Variants in CPQ observed in about 807,000 individuals in gnomAD.
CPQ encodes the protein carboxypeptidase Q, also known as Ser-Met dipeptidase.
CPQ carries 37 observed loss-of-function variants against 45.7 expected under a neutral mutation model. The observed-to-expected ratio is 0.81, with a 90% CI of 0.62 to 1.07. CPQ has a LOEUF of 1.07. CPQ is among the 50% of genes least tolerant of loss of function. The pLI, the probability that CPQ is intolerant of heterozygous loss-of-function variation, is 0.00. For synonymous variants in CPQ, 186 were observed against 205.8 expected (o/e 0.90, Z 0.82); for missense variants, 537 against 572.9 (o/e 0.94, Z 0.64).
At chr8:96,953,518 C>T (rs1813303303) in intron 4 of CPQ, among the ~76,000 whole-genome samples, 1 of 152,116 alleles carries the variant, frequency 6.6e-6, no homozygotes, top group Admixed American at 6.6e-5. Flanking sequence ...ATATATTCTG[C>T]TGCTCTTCAA....
chr8:96,717,810 T>C (rs75446169), intron 1 of CPQ, among the ~76,000 whole-genome samples: 2,049 of 152,154 alleles, frequency 0.013, 22 homozygotes, highest in Non-Finnish European at 0.018. Flanking sequence ...CCAGAGGGGA[T>C]TGTAGGGCAG....
chr8:97,029,236 G>A (rs577276999), intron 5 of CPQ, among the ~76,000 whole-genome samples, 167 bp from the exon 6 acceptor site: 4 of 152,246 alleles, frequency 2.6e-5, no homozygotes, highest in African/African-American at 7.2e-5. Flanking sequence ...CCCTGAAGTT[G>A]CTCCTTTGCT....
intron 6 of CPQ, among the ~76,000 whole-genome samples, chr8:97,049,941 T>C (rs1417871514): frequency 2.6e-5 from 4 of 152,190 alleles, no homozygotes; most frequent in East Asian, 1.9e-4. Context: ...CAAGGCATAT[T>C]GAACACGTTT....
At chr8:97,134,816 C>A (rs184013393) in intron 7 of CPQ, among the ~76,000 whole-genome samples, 1 of 152,316 alleles carries the variant, frequency 6.6e-6, no homozygotes, top group East Asian at 1.9e-4. Context: ...CTGTTAAAGA[C>A]ACATGAAGAT....
intron 1 of CPQ, among the ~76,000 whole-genome samples, chr8:96,767,289 C>A (rs1810479607): frequency 6.6e-6 from 1 of 152,108 alleles, no homozygotes; most frequent in African/African-American, 2.4e-5. Context: ...ACCTCATTTC[C>A]CATAACAGCG....
intron 5 of CPQ, among the ~76,000 whole-genome samples, chr8:97,018,814 G>GAATAATTCCTCAATAAT (rs1274202385): frequency 2.0e-5 from 3 of 152,158 alleles, no homozygotes; most frequent in Non-Finnish European, 4.4e-5. Context: ...ATATTTAGAG[G>GAATAATTCCTCAATAAT]AATAATTGAG....
chr8:96,960,434 G>T lies in CPQ; in HGVS notation c.850-5501G>T, dbSNP rs553096524. ...TTTGGTTGAACTCACTTGTAAAACT[G>T]TCTGAGCCCCTTGACTTCCAAAGGT... On this transcript the variant is annotated intron_variant, in intron 4 of 7. Transcript: ENST00000220763. Among the ~76,000 whole-genome samples the T allele has an allele frequency of 2.0e-5, 3 of 152,300 alleles. No individual in the cohort carries two copies. In the South Asian group the frequency reaches 6.2e-4, roughly 32 times the overall value.
intron 5 of CPQ, among the ~76,000 whole-genome samples, chr8:97,018,749 C>T (rs561730268): frequency 5.7e-4 from 87 of 152,126 alleles, no homozygotes; most frequent in African/African-American, 1.9e-3. Context: ...AACTACAAAA[C>T]CTAAGAATAA....
chr8:96,812,898 T>TA (rs544223840), intron 2 of CPQ, among the ~76,000 whole-genome samples: 3,758 of 145,478 alleles, frequency 0.026, 63 homozygotes, highest in Middle Eastern at 0.06. Context: ...CATTCCTGTT[T>TA]AAAAAAAAAA....
chr8:97,044,802 T>A (rs1409115898), intron 6 of CPQ, among the ~76,000 whole-genome samples: 2 of 152,088 alleles, frequency 1.3e-5, no homozygotes, highest in Non-Finnish European at 2.9e-5. Context: ...AACAGCGGAT[T>A]TTCGTGAACT....
At chr8:96,954,859 G>C (rs935635226) in intron 4 of CPQ, among the ~76,000 whole-genome samples, 2 of 151,040 alleles carry the variant, frequency 1.3e-5, no homozygotes, top group African/African-American at 4.9e-5. Context: ...TGGTTTTTTT[G>C]TCCTTGTGAT....
Position 96,796,988 on chromosome 8 carries a change from C to T in CPQ, c.433+11658C>T, listed in dbSNP as rs1810938804. 1.3e-5 allele frequency among the ~76,000 whole-genome samples: 2 copies of T among 152,152 alleles called. 1 individual carries two copies. Among genetic ancestry groups the T allele is most frequent in the South Asian group, 4.1e-4 (2 of 4,832 alleles). On this transcript the variant is annotated intron_variant, in intron 2 of 7. Coordinates refer to ENST00000220763, the MANE Select transcript of CPQ (RefSeq NM_016134.4). ...ATGGTTTACAGAATCACTGGGTAAG[C>T]TAATGATGCAGATTTTAAATTGAGC...
At chr8:96,869,623 T>C (rs1305763059) in intron 3 of CPQ, among the ~76,000 whole-genome samples, 1 of 152,090 alleles carries the variant, frequency 6.6e-6, no homozygotes, top group Non-Finnish European at 1.5e-5. Flanking sequence ...AGGACCTATC[T>C]TTGAATAAAT....
chr8:96,878,551 A>G (rs1048620908), intron 3 of CPQ, among the ~76,000 whole-genome samples: 6 of 152,184 alleles, frequency 3.9e-5, no homozygotes, highest in Admixed American at 3.3e-4. Context: ...CAATAAGCCC[A>G]GATTTGAACC....
intron 7 of CPQ, among the ~76,000 whole-genome samples, chr8:97,118,253 A>G (rs1364570879): frequency 6.6e-6 from 1 of 152,054 alleles, no homozygotes; most frequent in Non-Finnish European, 1.5e-5. Flanking sequence ...TTTCTGGAAA[A>G]TGTTCACAAT....
chr8:96,676,722 C>G (rs1330939538), intron 1 of CPQ, among the ~76,000 whole-genome samples: 1 of 151,908 alleles, frequency 6.6e-6, no homozygotes, highest in African/African-American at 2.4e-5. Flanking sequence ...TGGTGTTTGG[C>G]TACATGGATA....
intron 4 of CPQ, among the ~76,000 whole-genome samples, chr8:96,919,720 T>C (rs1180645673): frequency 6.6e-6 from 1 of 152,208 alleles, no homozygotes; most frequent in Non-Finnish European, 1.5e-5. Context: ...TTGATTTTTC[T>C]AATTAGATAG....
At chr8:96,799,947 C>T (rs900480200) in intron 2 of CPQ, among the ~76,000 whole-genome samples, 11 of 152,136 alleles carry the variant, frequency 7.2e-5, no homozygotes, top group Admixed American at 3.9e-4. Flanking sequence ...AGAATAAGCA[C>T]ACCTATCTCC....
intron 7 of CPQ, chr8:97,133,180 T>C (rs1206062880): frequency 6.6e-6 from 1 of 152,166 alleles, no homozygotes; most frequent in Non-Finnish European, 1.5e-5. Flanking sequence ...TACCTATATA[T>C]ACTCTCTCTC....
Sources: allele counts gnomAD v4.1 joint callset (sites outside exome capture counted in the v4.1 genomes callset), GRCh38; gene constraint gnomAD v4.1.1; transcripts MANE v1.5; gene names NCBI Gene and HGNC (gene_info 2026-07-23, HGNC 2026-07-21).